The following ZNF705G variants were observed in gnomAD, a reference collection of about 807,000 sequenced individuals.
The protein encoded by ZNF705G is zinc finger protein 705G.
In ZNF705G, 23 loss-of-function variants were observed where a neutral mutation model predicts 19.6. The ratio of observed to expected loss-of-function variants is 1.17; its 90% CI spans 0.84 to 1.66. ZNF705G has a LOEUF of 1.66. ZNF705G is among the 40% of genes most tolerant of loss of function. ZNF705G has a pLI of 0.00. For missense variants in ZNF705G, 457 were observed against 354.4 expected (o/e 1.29, Z -2.32); for synonymous variants, 146 against 117.7 (o/e 1.24, Z -1.56).
At chr8:7,362,094 C>T (rs1471060998) in intron 3 of ZNF705G, among the ~76,000 whole-genome samples, 14 of 149,644 alleles carry the variant, frequency 9.4e-5, no homozygotes, top group Admixed American at 5.3e-4. Context: ...TACCTTCTCA[C>T]TACACTTGTT....
At position 7,364,113 on chromosome 8, in the gene ZNF705G, T is replaced by C. The variant is rs1469971617; in HGVS notation, c.-71-1096A>G. 6.1e-4 allele frequency among the ~76,000 whole-genome samples: 91 copies of C among 149,470 alleles called. 1 individual carries two copies. The highest frequency in any genetic ancestry group is 8.7e-4 in the Non-Finnish European group (59 of 68,008). On this transcript the variant is annotated intron_variant, in intron 2 of 6. Coordinates refer to ENST00000400156, the MANE Select transcript of ZNF705G (RefSeq NM_001164457.3). ...CATGGTTTATATTAGTCTTTGTTAG[T>C]TGCAATATCTCTGATTATCATGATA...
At position 7,356,501 on chromosome 8, in the gene ZNF705G, G is replaced by C. The variant is rs1806260205; in HGVS notation, c.*1475C>G. 4.7e-5 allele frequency: 7 copies of C among 149,908 alleles called. 1 individual carries two copies. The South Asian group carries it at 1.5e-3, about 31-fold the overall frequency. 9.3% of individuals were successfully genotyped at this position (149,908 alleles called of 1,614,324 possible). A position where few individuals can be genotyped will look rare whatever the true frequency, so the allele number is the denominator to read the frequency against. On this transcript the variant is annotated 3_prime_UTR_variant, in exon 7 of 7. Coordinates refer to ENST00000400156, the MANE Select transcript of ZNF705G (RefSeq NM_001164457.3). ...GCGGACACCCAAATGCATATACAAGGTGTCTTTGATACAGCCTCCATTTCC... is the reference window on the plus strand; with the variant it reads ...GCGGACACCCAAATGCATATACAAGCTGTCTTTGATACAGCCTCCATTTCC...
chr8:7,367,868 G>A lies in ZNF705G; in HGVS notation c.-71-4851C>T, dbSNP rs1232775749. Among the ~76,000 whole-genome samples, 22 of 149,834 alleles carry A rather than the reference G, an allele frequency of 1.5e-4. 1 individual carries two copies. The highest frequency in any genetic ancestry group is 1.9e-4 in the Non-Finnish European group (13 of 68,038). ...CATGCAGCTATGCTGCCAGTAACTG[G>A]AATCTCTTCTACTGGTAACAGTATC... On this transcript the variant is annotated intron_variant, in intron 2 of 6. Coordinates refer to ENST00000400156, the MANE Select transcript of ZNF705G (RefSeq NM_001164457.3).
Position 7,356,706 on chromosome 8 carries a change from C to T in ZNF705G, c.*1270G>A, listed in dbSNP as rs1236569003. On this transcript the variant is annotated 3_prime_UTR_variant, in exon 7 of 7. Coordinates refer to ENST00000400156, the MANE Select transcript of ZNF705G (RefSeq NM_001164457.3). ...GGAGACTCAGAAGTTGGGGTAGAAT[C>T]TCGACCAAGAATCTCACCCAAGGAG... 1.3e-5 allele frequency: 2 copies of T among 149,602 alleles called. No individual in the cohort carries two copies. Among genetic ancestry groups the T allele is most frequent in the African/African-American group, 2.6e-5 (1 of 38,980 alleles). 9.3% of individuals were successfully genotyped at this position (149,602 alleles called of 1,614,324 possible).
intron 2 of ZNF705G, among the ~76,000 whole-genome samples, chr8:7,369,439 C>A (rs1276193355): frequency 6.7e-5 from 10 of 149,422 alleles, no homozygotes; most frequent in Non-Finnish European, 1.3e-4. Context: ...AAGACAGCCA[C>A]CATCCTCCAG....
intron 2 of ZNF705G, among the ~76,000 whole-genome samples, chr8:7,365,859 A>G (rs1298717115): frequency 6.0e-5 from 9 of 149,578 alleles, no homozygotes; most frequent in Admixed American, 5.3e-4. Context: ...CAACAAAACC[A>G]TGTTCTCCAA....
intron 6 of ZNF705G, 101 bp from the exon 7 acceptor site, chr8:7,358,661 C>G (rs1168128871): frequency 2.6e-6 from 4 of 1,535,244 alleles, no homozygotes; most frequent in African/African-American, 1.5e-5. Context: ...AGTGGTAGAC[C>G]CCAGTTGAAA....
chr8:7,381,126 G>A (rs1340223415), intron 2 of ZNF705G, among the ~76,000 whole-genome samples: 1 of 122,356 alleles, frequency 8.2e-6, no homozygotes, highest in Non-Finnish European at 1.6e-5. Flanking sequence ...TATTAGTGTT[G>A]TCGTTGCCAT....
At chr8:7,379,501 G>A (rs1360101009) in intron 2 of ZNF705G, among the ~76,000 whole-genome samples, 4 of 147,210 alleles carry the variant, frequency 2.7e-5, no homozygotes, top group East Asian at 1.9e-4. Context: ...GAAAGACCAA[G>A]ACAGCAAGTA....
chr8:7,363,846 G>C (rs749011126), intron 2 of ZNF705G, among the ~76,000 whole-genome samples: 1 of 149,144 alleles, frequency 6.7e-6, no homozygotes, highest in Non-Finnish European at 1.5e-5. Flanking sequence ...TTTTAGGATG[G>C]GGATAATCAA....
In ZNF705G at chr8:7,367,529, A is replaced by C. The variant is rs578061488; in HGVS notation, c.-71-4512T>G. On this transcript the variant is annotated intron_variant, in intron 2 of 6. Coordinates refer to ENST00000400156, the MANE Select transcript of ZNF705G (RefSeq NM_001164457.3). ...ACATGCATATAACTCCCTAAACACAACGTGCATGCTCAATTTCAAAGGGTA... is the reference window on the plus strand; with the variant it reads ...ACATGCATATAACTCCCTAAACACACCGTGCATGCTCAATTTCAAAGGGTA... Among the ~76,000 whole-genome samples, 235 of 149,530 alleles carry C rather than the reference A, an allele frequency of 1.6e-3. 29 individuals carry two copies. The highest frequency in any genetic ancestry group is 4.7e-3 in the African/African-American group (184 of 38,962).
In ZNF705G at chr8:7,384,565, A is replaced by G. The variant is rs184156681; in HGVS notation, c.-222+933T>C. On this transcript the variant is annotated intron_variant, in intron 1 of 6. Coordinates refer to ENST00000400156, the MANE Select transcript of ZNF705G (RefSeq NM_001164457.3). ...GATACCTGAAATCACACAAGATACT[A>G]CTTTCCTCCATAAAGCCTGGAATGT... Among the ~76,000 whole-genome samples the G allele has an allele frequency of 2.9e-3, 421 of 146,136 alleles. 73 individuals carry two copies. Among genetic ancestry groups the G allele is most frequent in the African/African-American group, 0.011 (406 of 35,690 alleles).
chr8:7,357,971 T>A lies in ZNF705G; in HGVS notation c.*5A>T. On this transcript the variant is annotated 3_prime_UTR_variant, in exon 7 of 7. Transcript: ENST00000400156. ...TGGCTTTTCTCCAGTGCGTGTTCTC[T>A]CATGTCATCTAAGGTTGGAAGACAG... is the stretch of plus-strand genomic sequence containing the variant. 6.2e-7 allele frequency: 1 copy of A among 1,609,276 alleles called. No homozygotes were observed. The highest frequency in any genetic ancestry group is 1.1e-5 in the South Asian group (1 of 90,770).
chr8:7,362,111 T>C lies in ZNF705G; in HGVS notation c.12+824A>G, dbSNP rs139001457. On this transcript the variant is annotated intron_variant, in intron 3 of 6. Coordinates refer to ENST00000400156, the MANE Select transcript of ZNF705G (RefSeq NM_001164457.3). The stretch of plus-strand genomic sequence containing the variant: ...CCTTCTCACTACACTTGTTCAAAGA[T>C]TTAAAAAGCCTCTTCATTGTTTTTT... Among the ~76,000 whole-genome samples the C allele has an allele frequency of 6.8e-3, 1,018 of 149,642 alleles. 9 individuals carry two copies. The highest frequency in any genetic ancestry group is 0.021 in the Middle Eastern group (6 of 290).
At chr8:7,368,113 A>G (rs1417282957) in intron 2 of ZNF705G, among the ~76,000 whole-genome samples, 2 of 149,290 alleles carry the variant, frequency 1.3e-5, no homozygotes, top group Non-Finnish European at 2.9e-5. Context: ...AAATTAATAA[A>G]CCGAATCACC....
In ZNF705G at chr8:7,358,467, G is replaced by C; in HGVS notation, c.412C>G (p.His138Asp). The change falls in exon 7 of 7, where the codon CAT becomes GAT. Residue 138 changes from histidine to aspartate, a missense_variant. His to Asp is a moderately conservative substitution (Grantham distance 81, BLOSUM62 -1). Transcript: ENST00000400156. ...SSTITQCLLT[H>D]SGKKPYVSKQ... ...CTGACATAGGGTTTCTTTCCACTAT[G>C]AGTTAACAAACACTGAGTTATTGTG... 1.9e-6 allele frequency: 3 copies of C among 1,607,666 alleles called. No individual in the cohort carries two copies. Among genetic ancestry groups the C allele is most frequent in the Non-Finnish European group, 2.5e-6 (3 of 1,179,610 alleles).
chr8:7,356,884 C>G lies in ZNF705G; in HGVS notation c.*1092G>C, dbSNP rs868296282. On this transcript the variant is annotated 3_prime_UTR_variant, in exon 7 of 7. Coordinates refer to ENST00000400156, the MANE Select transcript of ZNF705G (RefSeq NM_001164457.3). ...ATGAGATTTCTTATATAATTCTGCA[C>G]GCAATTTATTCCCTGGTCACTTTGC... is the stretch of plus-strand genomic sequence containing the variant. The G allele has an allele frequency of 2.0e-5, 3 of 149,910 alleles. No homozygotes were observed. Among genetic ancestry groups the G allele is most frequent in the Non-Finnish European group, 2.9e-5 (2 of 68,018 alleles). 9.3% of individuals were successfully genotyped at this position (149,910 alleles called of 1,614,324 possible). A position where few individuals can be genotyped will look rare whatever the true frequency, so the allele number is the denominator to read the frequency against.
Position 7,379,869 on chromosome 8 carries a change from A to G in ZNF705G, c.-72+1583T>C, listed in dbSNP as rs1807410633. ...ACACAGGCAGCTGTGGCACAATGCCAATTTGAGAGCCCAGCCCCCAAAAGA... is the reference window on the plus strand; with the variant it reads ...ACACAGGCAGCTGTGGCACAATGCCGATTTGAGAGCCCAGCCCCCAAAAGA... On this transcript the variant is annotated intron_variant, in intron 2 of 6. Transcript: ENST00000400156. Among the ~76,000 whole-genome samples, 2 of 146,012 alleles carry G rather than the reference A, an allele frequency of 1.4e-5. 1 individual carries two copies. Among genetic ancestry groups the G allele is most frequent in the Admixed American group, 1.3e-4 (2 of 15,126 alleles).
chr8:7,365,006 G>A (rs1302329828), intron 2 of ZNF705G, among the ~76,000 whole-genome samples: 4 of 149,730 alleles, frequency 2.7e-5, no homozygotes, highest in Middle Eastern at 6.8e-3. Flanking sequence ...GAATATTTGT[G>A]TGTAATTATA....
Sources: gnomAD v4.1 joint callset for allele counts (sites outside exome capture counted in the v4.1 genomes callset) on GRCh38, gnomAD v4.1.1 for gene constraint, MANE v1.5 for transcripts, NCBI Gene and HGNC (gene_info 2026-07-23, HGNC 2026-07-21) for gene names.